CACNA2D1: variants seen among roughly 807,000 people sequenced by gnomAD.
CACNA2D1 encodes the protein calcium voltage-gated channel auxiliary subunit alpha2delta 1, also known as voltage-dependent calcium channel subunit alpha-2/delta-1.
Under a neutral mutation model 171.5 loss-of-function variants are expected in CACNA2D1, and 53 were observed. The observed-to-expected ratio is 0.31, with a 90% CI of 0.25 to 0.39. CACNA2D1 has a LOEUF of 0.39. Ranked by LOEUF, CACNA2D1 falls within the 10% of genes least tolerant of loss-of-function variation. The pLI, the probability that CACNA2D1 is intolerant of heterozygous loss-of-function variation, is 1.00. For missense variants in CACNA2D1, 903 were observed against 1,299.8 expected (o/e 0.69, Z 4.69); for synonymous variants, 442 against 443.1 (o/e 1.00, Z 0.03).
chr7:81,969,059 G>A, intron 28 of CACNA2D1, 86 bp from the exon 29 acceptor site: 3 of 812,244 alleles, frequency 3.7e-6, no homozygotes, highest in Non-Finnish European at 6.1e-6. Context: ...CAAATGGATA[G>A]TATTTTGCTT....
intron 4 of CACNA2D1, among the ~76,000 whole-genome samples, chr7:82,155,204 C>A (rs997539774): frequency 6.6e-6 from 1 of 152,084 alleles, no homozygotes; most frequent in Admixed American, 6.6e-5. Context: ...GAACCATAAG[C>A]CAGTTAAACC....
chr7:82,238,976 AT>A (rs1803932345), intron 3 of CACNA2D1, among the ~76,000 whole-genome samples: 1 of 152,086 alleles, frequency 6.6e-6, no homozygotes, highest in Non-Finnish European at 1.5e-5. Flanking sequence ...TGAAAATAAA[AT>A]CATTGAGTAG....
At chr7:82,339,681 A>G (rs1818384440) in intron 2 of CACNA2D1, among the ~76,000 whole-genome samples, 1 of 152,222 alleles carries the variant, frequency 6.6e-6, no homozygotes, top group Non-Finnish European at 1.5e-5. Flanking sequence ...ATGAAATAGC[A>G]TGGATCAAAG....
intron 1 of CACNA2D1, among the ~76,000 whole-genome samples, chr7:82,400,949 GA>G (rs1826331505): frequency 6.6e-6 from 1 of 152,084 alleles, no homozygotes; most frequent in Admixed American, 6.5e-5. Flanking sequence ...AAAAACACAT[GA>G]AAAAATGCTC....
chr7:82,441,463 A>G (rs555098367), intron 1 of CACNA2D1, among the ~76,000 whole-genome samples: 2 of 152,150 alleles, frequency 1.3e-5, no homozygotes, highest in African/African-American at 4.8e-5. Flanking sequence ...CTTCCAAAGA[A>G]AAGAAATTGT....
At chr7:81,973,052 C>G (rs1168901916) in intron 25 of CACNA2D1, among the ~76,000 whole-genome samples, 2 of 151,724 alleles carry the variant, frequency 1.3e-5, no homozygotes, top group African/African-American at 4.8e-5. Flanking sequence ...TAAATAGATA[C>G]AGATATAAAA....
At chr7:81,973,319 G>A (rs1795485561) in intron 25 of CACNA2D1, among the ~76,000 whole-genome samples, 1 of 152,002 alleles carries the variant, frequency 6.6e-6, no homozygotes, top group Admixed American at 6.6e-5. Context: ...GAAAGGTTTG[G>A]AATCATCATG....
chr7:82,234,854 C>G (rs1803363560), intron 3 of CACNA2D1, among the ~76,000 whole-genome samples: 1 of 152,186 alleles, frequency 6.6e-6, no homozygotes, highest in East Asian at 1.9e-4. Context: ...CTACTTCTGT[C>G]TCCAAAACAG....
chr7:82,306,512 G>C (rs1290041127), intron 3 of CACNA2D1, among the ~76,000 whole-genome samples: 1 of 152,164 alleles, frequency 6.6e-6, no homozygotes, highest in Non-Finnish European at 1.5e-5. Context: ...AATTGCACAT[G>C]GACTATCCAT....
At chr7:82,377,274 T>C (rs1313628652) in intron 1 of CACNA2D1, among the ~76,000 whole-genome samples, 1 of 152,214 alleles carries the variant, frequency 6.6e-6, no homozygotes, top group Non-Finnish European at 1.5e-5. Flanking sequence ...AGAGTTGCTT[T>C]GGAAGGTATT....
chr7:82,291,007 G>C (rs1811470320), intron 3 of CACNA2D1, among the ~76,000 whole-genome samples: 1 of 145,680 alleles, frequency 6.9e-6, no homozygotes. Flanking sequence ...ACAGGGTCTG[G>C]CTCTGTTGCC....
intron 6 of CACNA2D1, among the ~76,000 whole-genome samples, chr7:82,102,498 A>G (rs1044323725): frequency 2.0e-5 from 3 of 151,582 alleles, no homozygotes; most frequent in Non-Finnish European, 4.4e-5. Flanking sequence ...ACACACACAC[A>G]CGCACACACA....
chr7:82,029,635 A>G (rs1802400576), intron 12 of CACNA2D1: 3 of 151,808 alleles, frequency 2.0e-5, no homozygotes, highest in African/African-American at 4.8e-5. Flanking sequence ...ACTTTATGTA[A>G]GAGAGGTCAT....
chr7:82,002,736 T>C (rs1354767929), intron 18 of CACNA2D1, among the ~76,000 whole-genome samples: 2 of 152,164 alleles, frequency 1.3e-5, no homozygotes, highest in Non-Finnish European at 2.9e-5. Context: ...GCAGAATACA[T>C]AATTCAACAT....
At chr7:82,060,167 T>TATATTATATATATATA (rs1806501686) in intron 10 of CACNA2D1, among the ~76,000 whole-genome samples, 2 of 12,622 alleles carry the variant, frequency 1.6e-4, no homozygotes, top group Non-Finnish European at 4.1e-4. Context: ...ATATATATAA[T>TATATTATATATATATA]ATATATATAT....
At chr7:82,075,110 G>A (rs1808802366) in intron 7 of CACNA2D1, among the ~76,000 whole-genome samples, 1 of 151,878 alleles carries the variant, frequency 6.6e-6, no homozygotes, top group Non-Finnish European at 1.5e-5. Context: ...AGAACATGTG[G>A]TGTTTGGTTT....
At chr7:82,119,277 G>A (rs1412754246) in intron 5 of CACNA2D1, among the ~76,000 whole-genome samples, 1 of 152,074 alleles carries the variant, frequency 6.6e-6, no homozygotes, top group Non-Finnish European at 1.5e-5. Context: ...TGAGCAAGTG[G>A]ATTCTGAAAT....
intron 5 of CACNA2D1, among the ~76,000 whole-genome samples, chr7:82,120,071 C>G (rs990478327): frequency 1.3e-5 from 2 of 152,124 alleles, no homozygotes; most frequent in African/African-American, 4.8e-5. Flanking sequence ...TTATTTCCAG[C>G]TATTCAGGAG....
At chr7:82,287,345 GT>G (rs1480077619) in intron 3 of CACNA2D1, among the ~76,000 whole-genome samples, 8 of 151,628 alleles carry the variant, frequency 5.3e-5, no homozygotes, top group African/African-American at 1.9e-4. Flanking sequence ...TAGGCAGGCA[GT>G]TTTAGCAATA....
Sources: allele counts gnomAD v4.1 joint callset (sites outside exome capture counted in the v4.1 genomes callset), GRCh38; gene constraint gnomAD v4.1.1; transcripts MANE v1.5; gene names NCBI Gene and HGNC (gene_info 2026-07-23, HGNC 2026-07-21).